Variants in GLI2 observed in about 807,000 individuals in gnomAD.
GLI2 encodes GLI family zinc finger 2, also known as transcription activator GLI2.
Under a neutral mutation model 78.9 loss-of-function variants are expected in GLI2, and 22 were observed. The ratio of observed to expected loss-of-function variants is 0.28; its 90% confidence interval spans 0.20 to 0.40. The LOEUF (loss-of-function observed/expected upper bound fraction) is 0.40. GLI2 is among the 10% of genes least tolerant of loss of function. The pLI, the probability that GLI2 is intolerant of heterozygous loss-of-function variation, is 1.00. For missense variants in GLI2, 2,097 were observed against 2,213.2 expected (o/e 0.95, Z 1.05); for synonymous variants, 974 against 963.7 (o/e 1.01, Z -0.20).
chr2:120,922,803 C>A (rs534931486), intron 2 of GLI2, among the ~76,000 whole-genome samples: 1 of 152,236 alleles, frequency 6.6e-6, no homozygotes, highest in South Asian at 2.1e-4. Flanking sequence ...CGGGTGCAGC[C>A]TGCACATTCC....
intron 2 of GLI2, among the ~76,000 whole-genome samples, chr2:120,855,856 C>T (rs1388488142): frequency 1.3e-5 from 2 of 152,200 alleles, no homozygotes; most frequent in Non-Finnish European, 2.9e-5. Flanking sequence ...GGCCTCTGCT[C>T]TGAGCCTCTG....
At position 120,988,835 on chromosome 2, in the gene GLI2, G is replaced by T. The variant is rs376969137; in HGVS notation, c.2870G>T (p.Arg957Leu). Residue 957 changes from arginine (R) to leucine (L), a missense_variant, in exon 14 of 14, where the codon CGG (arginine) becomes CTG (leucine). Transcript: ENST00000361492. Reference sequence around the variant, plus strand: ...GCCAGGCGGGCCAGCGACCCTGTGCGGCGGCCCGATGCCCTGTCCCTGCCG... The same window carrying T: ...GCCAGGCGGGCCAGCGACCCTGTGCTGCGGCCCGATGCCCTGTCCCTGCCG... ...GGARRASDPV[R>L]RPDALSLPRV... The T allele has an allele frequency of 6.1e-6, 9 of 1,470,200 alleles. No homozygotes were observed. Among genetic ancestry groups the T allele is most frequent in the Non-Finnish European group, 8.1e-6 (9 of 1,112,570 alleles). The allele number at this position is 1,470,200 out of a possible 1,614,324, so 91.1% of individuals were successfully genotyped here. A position where few individuals can be genotyped will look rare whatever the true frequency, so the allele number is the denominator to read the frequency against.
At position 120,927,087 on chromosome 2, in the gene GLI2, C is replaced by G. The variant is rs6745937; in HGVS notation, c.149-274C>G. The stretch of plus-strand genomic sequence containing the variant: ...GGCTGAGCCCAGTTTTGTGGCCCTG[C>G]CTGTAATCTCCCCGAGTTCAAAGAG... On this transcript the variant is annotated intron_variant, in intron 2 of 13. Transcript: ENST00000361492. Among the ~76,000 whole-genome samples, 126,485 of 152,260 alleles carry G rather than the reference C, an allele frequency of 0.83. 55,016 individuals are homozygous for G. Among genetic ancestry groups the G allele is most frequent in the East Asian group, 1 (5,155 of 5,164 alleles).
In GLI2 at chr2:120,797,413, G is replaced by C. The variant is rs1684448218; in HGVS notation, c.93G>C (p.Lys31Asn). 1 of 1,613,934 alleles carries C rather than the reference G, an allele frequency of 6.2e-7. No individual in the cohort carries two copies. Among genetic ancestry groups the C allele is most frequent in the African/African-American group, 1.3e-5 (1 of 74,910 alleles). The change falls in exon 2 of 14, where the codon AAG becomes AAC. Residue 31 changes from lysine to asparagine, a missense_variant. By Grantham distance (94) the Lys-to-Asn change is moderately conservative. Coordinates refer to ENST00000361492, the MANE Select transcript of GLI2 (RefSeq NM_001374353.1). ...CTGGCTTCCCCGACCCGGGTAAAAAGGCCTCTCCTTTGGTGGTGGCTGCAG... is the reference window on the plus strand; with the variant it reads ...CTGGCTTCCCCGACCCGGGTAAAAACGCCTCTCCTTTGGTGGTGGCTGCAG... ...EAAGFPDPGK[K>N]ASPLVVAAAA...
chr2:120,839,232 A>G (rs1180441659), intron 2 of GLI2, among the ~76,000 whole-genome samples: 1 of 152,196 alleles, frequency 6.6e-6, no homozygotes, highest in African/African-American at 2.4e-5. Flanking sequence ...TATGTCAACG[A>G]TATGTTAAGG....
intron 13 of GLI2, among the ~76,000 whole-genome samples, chr2:120,987,768 A>G (rs919003989): frequency 6.6e-6 from 1 of 152,150 alleles, no homozygotes; most frequent in Non-Finnish European, 1.5e-5. Flanking sequence ...AGGCACATTT[A>G]TCTACAGCTA....
At chr2:120,778,858 G>C (rs941323417) in intron 1 of GLI2, among the ~76,000 whole-genome samples, 4 of 152,222 alleles carry the variant, frequency 2.6e-5, no homozygotes, top group African/African-American at 9.6e-5. Context: ...GCCAGTGGAA[G>C]TGCTGGGTTG....
chr2:120,748,337 A>C (rs549463046), intron 1 of GLI2, among the ~76,000 whole-genome samples: 1 of 152,364 alleles, frequency 6.6e-6, no homozygotes, highest in African/African-American at 2.4e-5. Context: ...GGCCTTGAGC[A>C]GTGGCTCTTT....
intron 9 of GLI2, 99 bp from the exon 10 acceptor site, chr2:120,978,335 G>T: frequency 7.4e-7 from 1 of 1,349,960 alleles, no homozygotes; most frequent in Non-Finnish European, 1.1e-6. Context: ...GGTCGGGGAG[G>T]GCTGGGGGGG....
chr2:120,885,710 T>G (rs1442563984), intron 2 of GLI2, among the ~76,000 whole-genome samples: 3 of 152,090 alleles, frequency 2.0e-5, no homozygotes, highest in African/African-American at 7.2e-5. Flanking sequence ...CGGGGAGGAT[T>G]AAAAATAAAA....
intron 2 of GLI2, among the ~76,000 whole-genome samples, chr2:120,840,333 C>T (rs138945116): frequency 1.6e-4 from 25 of 152,312 alleles, no homozygotes; most frequent in Non-Finnish European, 3.5e-4. Flanking sequence ...ATTTTCTAAT[C>T]CTCTCTCAAG....
chr2:120,909,334 C>T (rs1245812643), intron 2 of GLI2, among the ~76,000 whole-genome samples: 1 of 152,124 alleles, frequency 6.6e-6, no homozygotes, highest in East Asian at 1.9e-4. Context: ...CAGCTCCCCT[C>T]CCCTGCTGCC....
At chr2:120,894,137 G>A (rs1573552851) in intron 2 of GLI2, among the ~76,000 whole-genome samples, 1 of 152,284 alleles carries the variant, frequency 6.6e-6, no homozygotes, top group East Asian at 1.9e-4. Context: ...CTTTCTCTCT[G>A]CTGCTCACTC....
At chr2:120,952,685 C>G (rs1438574596) in intron 4 of GLI2, among the ~76,000 whole-genome samples, 4 of 152,238 alleles carry the variant, frequency 2.6e-5, no homozygotes, top group Non-Finnish European at 5.9e-5. Flanking sequence ...CCCCTCAAGT[C>G]AGAACTCAGC....
At chr2:120,827,792 CT>C (rs1345308898) in intron 2 of GLI2, among the ~76,000 whole-genome samples, 1 of 152,180 alleles carries the variant, frequency 6.6e-6, no homozygotes, top group East Asian at 1.9e-4. Flanking sequence ...AGGACATATA[CT>C]GTTTTATTCC....
chr2:120,769,593 GC>G lies in GLI2; in HGVS notation c.-30-27697del, dbSNP rs1466270293. 2.0e-5 allele frequency among the ~76,000 whole-genome samples: 3 copies of G among 152,334 alleles called. No individual in the cohort carries two copies. The East Asian group carries it at 5.8e-4, about 29-fold the overall frequency. Reference sequence around the variant, plus strand: ...CCTTCTAGGAAATAACTTACAGAAGGCAAGCTCAGAGTCTTGCCCCTGCAGT... The same window carrying G: ...CCTTCTAGGAAATAACTTACAGAAGGAAGCTCAGAGTCTTGCCCCTGCAGT... On this transcript the variant is annotated intron_variant, in intron 1 of 13. Coordinates refer to ENST00000361492, the MANE Select transcript of GLI2 (RefSeq NM_001374353.1).
intron 5 of GLI2, among the ~76,000 whole-genome samples, chr2:120,966,249 C>T (rs890438479): frequency 6.6e-6 from 1 of 152,186 alleles, no homozygotes; most frequent in Non-Finnish European, 1.5e-5. Flanking sequence ...TCACAGCAAC[C>T]CCAGAGCTGG....
intron 2 of GLI2, among the ~76,000 whole-genome samples, chr2:120,809,946 C>G (rs1439294920): frequency 6.6e-6 from 1 of 152,148 alleles, no homozygotes; most frequent in African/African-American, 2.4e-5. Context: ...TGGTGGCAGG[C>G]TCTGCAGTGG....
At chr2:120,848,215 T>G (rs576559643) in intron 2 of GLI2, among the ~76,000 whole-genome samples, 2 of 152,320 alleles carry the variant, frequency 1.3e-5, no homozygotes, top group South Asian at 4.1e-4. Context: ...CTCCGCCGCC[T>G]GGTTGCAATA....
Sources: gnomAD v4.1 joint callset for allele counts (sites outside exome capture counted in the v4.1 genomes callset) on GRCh38, gnomAD v4.1.1 for gene constraint, MANE v1.5 for transcripts, NCBI Gene and HGNC (gene_info 2026-07-23, HGNC 2026-07-21) for gene names.